Variants in HHAT observed in about 807,000 individuals in gnomAD.
HHAT encodes hedgehog acyltransferase, also known as protein-cysteine N-palmitoyltransferase HHAT.
Under a neutral mutation model 70.8 loss-of-function variants are expected in HHAT, and 47 were observed. The ratio of observed to expected loss-of-function variants is 0.66; its 90% CI spans 0.53 to 0.85. The LOEUF (loss-of-function observed/expected upper bound fraction) is 0.85. HHAT is among the 40% of genes least tolerant of loss of function. The pLI is 0.00. For synonymous variants in HHAT, 228 were observed against 247.6 expected, an observed-to-expected ratio of 0.92 and a Z score of 0.74; for missense variants, 609 against 604.8, an observed-to-expected ratio of 1.01 and a Z score of -0.07.
chr1:210,625,954 C>T (rs1166104404), intron 11 of HHAT, among the ~76,000 whole-genome samples: 1 of 152,064 alleles, frequency 6.6e-6, no homozygotes, highest in African/African-American at 2.4e-5. Context: ...GGGAAGCATG[C>T]AGATATCAGT....
intron 1 of HHAT, among the ~76,000 whole-genome samples, chr1:210,343,487 AAG>A (rs1419247424): frequency 3.9e-5 from 6 of 152,194 alleles, no homozygotes; most frequent in East Asian, 1.9e-4. Flanking sequence ...AAGAGTTGAA[AAG>A]AGAGTGTGTG....
intron 8 of HHAT, among the ~76,000 whole-genome samples, chr1:210,482,611 A>G (rs1036592478): frequency 2.0e-5 from 3 of 152,122 alleles, no homozygotes; most frequent in Non-Finnish European, 4.4e-5. Context: ...TGGGAAGGGG[A>G]ATGTGGTTAA....
At chr1:210,408,642 T>C (rs1184933956) in intron 6 of HHAT, among the ~76,000 whole-genome samples, 1 of 152,192 alleles carries the variant, frequency 6.6e-6, no homozygotes, top group Non-Finnish European at 1.5e-5. Context: ...GCCAGTGTGC[T>C]GGTTCCATCT....
intron 11 of HHAT, among the ~76,000 whole-genome samples, chr1:210,644,189 A>G (rs943084359): frequency 1.3e-5 from 2 of 152,256 alleles, no homozygotes; most frequent in Non-Finnish European, 2.9e-5. Flanking sequence ...CTAGAGGCCA[A>G]GTCTCCTGAC....
At chr1:210,560,870 G>A (rs1240027730) in intron 9 of HHAT, among the ~76,000 whole-genome samples, 1 of 140,984 alleles carries the variant, frequency 7.1e-6, no homozygotes, top group Admixed American at 7.3e-5. Flanking sequence ...GAATGTGGTG[G>A]ATCGTTTTTT....
intron 6 of HHAT, among the ~76,000 whole-genome samples, chr1:210,407,956 G>A (rs113350796): frequency 2.2e-4 from 34 of 152,080 alleles, no homozygotes; most frequent in African/African-American, 8.0e-4. Flanking sequence ...AGGGAATTTG[G>A]CATGGAGGTT....
intron 4 of HHAT, among the ~76,000 whole-genome samples, chr1:210,390,876 A>T (rs2091416025): frequency 6.6e-6 from 1 of 152,216 alleles, no homozygotes; most frequent in Non-Finnish European, 1.5e-5. Flanking sequence ...TATATATACC[A>T]CATTATCTTT....
intron 10 of HHAT, among the ~76,000 whole-genome samples, chr1:210,600,149 A>G (rs896806766): frequency 6.6e-5 from 10 of 152,174 alleles, no homozygotes; most frequent in Non-Finnish European, 1.5e-4. Flanking sequence ...CTCTTCTGCT[A>G]TATTTATCAC....
chr1:210,461,789 T>C (rs948433945), intron 7 of HHAT, among the ~76,000 whole-genome samples: 1 of 152,148 alleles, frequency 6.6e-6, no homozygotes, highest in East Asian at 1.9e-4. Flanking sequence ...GATATTAAAA[T>C]TTCAAGGAAA....
chr1:210,455,698 A>T (rs1162694128), intron 7 of HHAT, among the ~76,000 whole-genome samples: 16 of 152,150 alleles, frequency 1.1e-4, no homozygotes, highest in Admixed American at 1.0e-3. Context: ...TTCTCACCAC[A>T]GAGAGAATGG....
intron 11 of HHAT, 54 bp from the exon 12 acceptor site, chr1:210,674,234 T>A (rs1680765607): frequency 6.9e-7 from 1 of 1,445,448 alleles, no homozygotes; most frequent in African/African-American, 1.4e-5. Context: ...CCATGTGGGA[T>A]GTCCTGCCCC....
Position 210,470,206 on chromosome 1 carries a change from G to T in HHAT, c.1007+5551G>T, listed in dbSNP as rs544986629. Among the ~76,000 whole-genome samples, 6 of 152,256 alleles carry T rather than the reference G, an allele frequency of 3.9e-5. No homozygotes were observed. The East Asian group carries it at 1.2e-3, about 29-fold the overall frequency. ...AAGACCCGATAGGGTGCTAAGTGTT[G>T]AAGTAGATGGAAGGTAGAAGAGGTG... is the stretch of plus-strand genomic sequence containing the variant. On this transcript the variant is annotated intron_variant, in intron 8 of 11. Coordinates refer to ENST00000261458, the MANE Select transcript of HHAT (RefSeq NM_018194.6).
intron 10 of HHAT, among the ~76,000 whole-genome samples, chr1:210,617,890 T>G (rs1668060116): frequency 1.3e-5 from 2 of 152,222 alleles, no homozygotes; most frequent in African/African-American, 4.8e-5. Flanking sequence ...AGGCTCTTCA[T>G]GTATTCATTC....
intron 3 of HHAT, among the ~76,000 whole-genome samples, chr1:210,384,969 G>C (rs2090929544): frequency 1.3e-5 from 2 of 152,168 alleles, no homozygotes; most frequent in Admixed American, 1.3e-4. Context: ...AGACATGAGA[G>C]AGACATTTTT....
intron 7 of HHAT, among the ~76,000 whole-genome samples, chr1:210,426,028 G>T (rs1436471886): frequency 6.6e-6 from 1 of 152,074 alleles, no homozygotes. Flanking sequence ...TTGAGCAGTG[G>T]GTTGTAGTTA....
intron 10 of HHAT, among the ~76,000 whole-genome samples, chr1:210,612,693 TTG>T (rs762507306): frequency 4.6e-5 from 7 of 152,154 alleles, no homozygotes; most frequent in Non-Finnish European, 7.4e-5. Context: ...TATGGCAATT[TTG>T]TGTTTAATTT....
At chr1:210,660,380 G>T (rs1417008412) in intron 11 of HHAT, among the ~76,000 whole-genome samples, 1 of 152,146 alleles carries the variant, frequency 6.6e-6, no homozygotes, top group Admixed American at 6.5e-5. Context: ...CCCCTTCAAG[G>T]AGAACTACAA....
In HHAT at chr1:210,354,312, C is replaced by G. The variant is rs2087384599; in HGVS notation, c.91+5246C>G. On this transcript the variant is annotated intron_variant, in intron 2 of 11. Transcript: ENST00000261458. ...CTCTGCCTCCTGGATTCAAGCAATT[C>G]TCATGCCTCTGCTTCCTGAGTAGCT... Among the ~76,000 whole-genome samples, 3 of 144,756 alleles carry G rather than the reference C, an allele frequency of 2.1e-5. No individual in the cohort carries two copies. The South Asian group carries it at 6.6e-4, about 32-fold the overall frequency. 95.0% of individuals were successfully genotyped at this position (144,756 alleles called of 152,430 possible). A position where few individuals can be genotyped will look rare whatever the true frequency, so the allele number is the denominator to read the frequency against.
At chr1:210,430,500 G>C (rs898854100) in intron 7 of HHAT, among the ~76,000 whole-genome samples, 1 of 151,848 alleles carries the variant, frequency 6.6e-6, no homozygotes. Flanking sequence ...ACATTACTAT[G>C]TTTTTTCTTA....
Sources: allele counts gnomAD v4.1 joint callset (sites outside exome capture counted in the v4.1 genomes callset), GRCh38; gene constraint gnomAD v4.1.1; transcripts MANE v1.5; gene names NCBI Gene and HGNC (gene_info 2026-07-23, HGNC 2026-07-21).